The following ZSCAN25 variants were observed in gnomAD, a reference collection of about 807,000 sequenced individuals.
The protein encoded by ZSCAN25 is zinc finger and SCAN domain containing 25.
In ZSCAN25, 27 loss-of-function variants were observed where a neutral mutation model predicts 38.7. The observed-to-expected ratio is 0.70, with a 90% CI of 0.51 to 0.96. The LOEUF (loss-of-function observed/expected upper bound fraction) is 0.96. ZSCAN25 is among the 40% of genes least tolerant of loss of function. ZSCAN25 has a pLI of 0.00. For synonymous variants in ZSCAN25, 273 were observed against 277.7 expected (o/e 0.98, Z 0.17); for missense variants, 637 against 705.9 (o/e 0.90, Z 1.11).
the ZSCAN25 span, among the ~76,000 whole-genome samples, chr7:99,723,237 T>C: frequency 6.6e-6 from 1 of 152,160 alleles, no homozygotes; most frequent in Non-Finnish European, 1.5e-5. Context: ...AGCCAGCTCC[T>C]GTCTTAACTG....
At chr7:99,639,994 G>T in the ZSCAN25 span, among the ~76,000 whole-genome samples, 13 of 152,276 alleles carry the variant, frequency 8.5e-5, no homozygotes, top group Non-Finnish European at 1.5e-4. Flanking sequence ...TTGAGCCCAG[G>T]AGGTCAAGGC....
In ZSCAN25 at chr7:99,630,133, G is replaced by A; in HGVS notation, c.*113G>A. 7 of 1,426,452 alleles carry A rather than the reference G, an allele frequency of 4.9e-6. No individual in the cohort carries two copies. Among genetic ancestry groups the A allele is most frequent in the East Asian group, 2.5e-5 (1 of 39,422 alleles). 88.4% of individuals were successfully genotyped at this position (1,426,452 alleles called of 1,614,324 possible). A position where few individuals can be genotyped will look rare whatever the true frequency, so the allele number is the denominator to read the frequency against. ...GGTCCCATCGCCTTCCCACCCATTCGCCAACGCGGGAAAGGCAAGGCCTGG... is the reference window on the plus strand; with the variant it reads ...GGTCCCATCGCCTTCCCACCCATTCACCAACGCGGGAAAGGCAAGGCCTGG... On this transcript the variant is annotated 3_prime_UTR_variant, in exon 8 of 8. Transcript: ENST00000394152.
the ZSCAN25 span, among the ~76,000 whole-genome samples, chr7:99,719,296 G>A: frequency 1.3e-5 from 2 of 152,122 alleles, no homozygotes; most frequent in Non-Finnish European, 2.9e-5. Flanking sequence ...TGTTGATGGA[G>A]GAATAAACAC....
the ZSCAN25 span, among the ~76,000 whole-genome samples, chr7:99,706,058 G>A: frequency 9.9e-5 from 15 of 152,148 alleles, no homozygotes; most frequent in Non-Finnish European, 1.8e-4. Context: ...CCACAGTCCA[G>A]TAATTCCTCT....
At chr7:99,672,795 C>G in the ZSCAN25 span, 2 of 1,537,626 alleles carry the variant, frequency 1.3e-6, no homozygotes, top group East Asian at 4.6e-5. Context: ...CCTAGTTGTA[C>G]GACACACAGC....
the ZSCAN25 span, among the ~76,000 whole-genome samples, chr7:99,686,537 C>T: frequency 1.2e-4 from 19 of 152,226 alleles, no homozygotes; most frequent in Non-Finnish European, 2.1e-4. Context: ...CCCACCACGG[C>T]TCAAGGAGGC....
chr7:99,677,928 A>G, the ZSCAN25 span, among the ~76,000 whole-genome samples: 2 of 152,232 alleles, frequency 1.3e-5, no homozygotes, highest in Non-Finnish European at 2.9e-5. Context: ...CTAGATTCAC[A>G]TGGTACCATG....
chr7:99,711,223 A>T, the ZSCAN25 span, among the ~76,000 whole-genome samples: 1 of 152,328 alleles, frequency 6.6e-6, no homozygotes, highest in South Asian at 2.1e-4. Context: ...TCCTTGAATG[A>T]TCCTAAAAGT....
the ZSCAN25 span, chr7:99,715,620 G>T: frequency 7.0e-7 from 1 of 1,431,066 alleles, no homozygotes; most frequent in East Asian, 2.4e-5. Flanking sequence ...CAATGGTGAT[G>T]GTCGTACATA....
the ZSCAN25 span, chr7:99,679,810 T>C: frequency 6.2e-7 from 1 of 1,613,418 alleles, no homozygotes; most frequent in South Asian, 1.1e-5. Context: ...AGAGAGGAGT[T>C]TGGACAGTTA....
chr7:99,699,956 T>A, the ZSCAN25 span: 1 of 1,587,888 alleles, frequency 6.3e-7, no homozygotes, highest in Non-Finnish European at 8.6e-7. Flanking sequence ...ATCTGGACAG[T>A]TACTGACAGA....
the ZSCAN25 span, chr7:99,660,693 A>G: frequency 3.7e-6 from 6 of 1,610,238 alleles, no homozygotes; most frequent in African/African-American, 1.3e-5. Context: ...TAGGTAAATC[A>G]GGTCAACGTA....
the ZSCAN25 span, among the ~76,000 whole-genome samples, chr7:99,693,245 C>A: frequency 6.6e-6 from 1 of 151,734 alleles, no homozygotes; most frequent in African/African-American, 2.4e-5. Context: ...GCAAATATTT[C>A]TGCCTCATCC....
chr7:99,623,096 G>A (rs978552638), intron 6 of ZSCAN25, among the ~76,000 whole-genome samples: 4 of 152,288 alleles, frequency 2.6e-5, no homozygotes, highest in Admixed American at 2.0e-4. Flanking sequence ...ATGAGCCACC[G>A]CGCCCAGCCA....
At chr7:99,665,218 G>C in the ZSCAN25 span, 2 of 1,614,066 alleles carry the variant, frequency 1.2e-6, no homozygotes, top group Non-Finnish European at 1.7e-6. Context: ...ACTTCTTAGT[G>C]CTCTCCACAA....
the ZSCAN25 span, chr7:99,662,727 C>T: frequency 1.5e-6 from 2 of 1,308,116 alleles, no homozygotes; most frequent in Middle Eastern, 1.9e-4. This position sits in a 1 kb window ranked among gnomAD's most constrained non-coding sequence, Gnocchi z 4.3. Flanking sequence ...AAATTCTCAT[C>T]TTCCTGGAAT....
chr7:99,731,158 A>G, the ZSCAN25 span: 2 of 1,613,756 alleles, frequency 1.2e-6, no homozygotes, highest in Admixed American at 3.3e-5. Flanking sequence ...CATATCTACA[A>G]AGTGAAACAA....
At chr7:99,623,590 C>A (rs903867913) in intron 6 of ZSCAN25, among the ~76,000 whole-genome samples, 16 of 152,240 alleles carry the variant, frequency 1.1e-4, no homozygotes, top group African/African-American at 3.9e-4. Context: ...ATGCCAGCAT[C>A]ATTTCCCTTT....
the ZSCAN25 span, among the ~76,000 whole-genome samples, chr7:99,716,157 C>G: frequency 6.6e-6 from 1 of 152,118 alleles, no homozygotes; most frequent in East Asian, 1.9e-4. Context: ...GGTCAAGGAG[C>G]CTAGTCATAG....
Sources: allele counts gnomAD v4.1 joint callset (sites outside exome capture counted in the v4.1 genomes callset), GRCh38; gene constraint gnomAD v4.1.1; non-coding constraint Gnocchi (gnomAD v3.1); transcripts MANE v1.5; gene names NCBI Gene and HGNC (gene_info 2026-07-23, HGNC 2026-07-21).